Variants in NLGN4X observed in about 807,000 individuals in gnomAD.
NLGN4X encodes neuroligin 4 X-linked.
A neutral mutation model predicts 40.3 loss-of-function variants in NLGN4X; 3 were observed. The observed-to-expected ratio is 0.07, with a 90% CI of 0.03 to 0.19. NLGN4X has a LOEUF of 0.19. Among genes scored for constraint, NLGN4X ranks in the 10% least tolerant of loss-of-function variants. The pLI, the probability that NLGN4X is intolerant of heterozygous loss-of-function variation, is 1.00. For missense variants in NLGN4X, 382 were observed against 708.3 expected (o/e 0.54, Z 5.23); for synonymous variants, 270 against 306.8 (o/e 0.88, Z 1.25).
chrX:6,161,827 T>C (rs2040407443), intron 1 of NLGN4X, among the ~76,000 whole-genome samples: 1 of 110,752 alleles, frequency 9.0e-6, no homozygotes, highest in Non-Finnish European at 1.9e-5. Flanking sequence ...TTTGGATATA[T>C]ACATTTTTTG....
rs747621620 is a variant in NLGN4X at position 6,226,673 on chromosome X, G to A, written c.-306+1868C>T. ...GGCGAAAGAGCCAGGTCAGGTTGAG[G>A]GACAGGAGGAGGAAGGGGTGTCCAG... On this transcript the variant is annotated intron_variant, in intron 1 of 5. Transcript: ENST00000381095. 7 of 119,362 alleles carry A rather than the reference G, an allele frequency of 5.9e-5. No homozygotes were observed. The South Asian group carries it at 1.4e-3, about 24-fold the overall frequency. The allele number at this position is 119,362 out of a possible 1,213,427, so 9.8% of individuals were successfully genotyped here.
intron 3 of NLGN4X, among the ~76,000 whole-genome samples, chrX:6,021,643 T>C (rs1253739878): frequency 9.0e-6 from 1 of 111,141 alleles, no homozygotes; most frequent in Non-Finnish European, 1.9e-5. Context: ...ACAACAACCA[T>C]GGGATTACAG....
intron 2 of NLGN4X, among the ~76,000 whole-genome samples, chrX:6,055,504 G>C (rs1245251735): frequency 9.0e-6 from 1 of 111,046 alleles, no homozygotes; most frequent in Non-Finnish European, 1.9e-5. Flanking sequence ...CTGGTTGTGG[G>C]GGGGCTTACA....
At chrX:5,991,791 C>T (rs961864821) in intron 3 of NLGN4X, among the ~76,000 whole-genome samples, 3 of 112,219 alleles carry the variant, frequency 2.7e-5, no homozygotes, top group Non-Finnish European at 5.6e-5. Context: ...CATATCCAAT[C>T]TGAAGACAGA....
rs1370295832 is a variant in NLGN4X at position 5,890,391 on chromosome X, C to A, written c.*2426G>T. On this transcript the variant is annotated 3_prime_UTR_variant, in exon 6 of 6. Coordinates refer to ENST00000381095, the MANE Select transcript of NLGN4X (RefSeq NM_181332.3). ...ACTAAAATCACTTTTGATCATAATC[C>A]CCTGTAAAAGCTAAAGTTATTCACT... is the stretch of plus-strand genomic sequence containing the variant. 1 of 231,773 alleles carries A rather than the reference C, an allele frequency of 4.3e-6. No individual in the cohort carries two copies. Among genetic ancestry groups the A allele is most frequent in the Non-Finnish European group, 7.8e-6 (1 of 128,740 alleles). The allele number at this position is 231,773 out of a possible 1,213,427, so 19.1% of individuals were successfully genotyped here.
chrX:6,102,268 C>A (rs1055656085), intron 2 of NLGN4X, among the ~76,000 whole-genome samples: 1 of 111,081 alleles, frequency 9.0e-6, no homozygotes, highest in African/African-American at 3.3e-5. Flanking sequence ...AATATATATA[C>A]CTACCATGTA....
At chrX:5,940,474 T>C (rs1165319970) in intron 3 of NLGN4X, among the ~76,000 whole-genome samples, 1 of 110,726 alleles carries the variant, frequency 9.0e-6, no homozygotes, top group Admixed American at 9.7e-5. Context: ...AATCACCTAA[T>C]AGCTACTGTG....
intron 3 of NLGN4X, among the ~76,000 whole-genome samples, chrX:5,923,298 AC>A (rs1448364884): frequency 8.9e-6 from 1 of 111,747 alleles, no homozygotes; most frequent in Non-Finnish European, 1.9e-5. Context: ...GTGCCACTGC[AC>A]CCAGCTAATT....
intron 1 of NLGN4X, among the ~76,000 whole-genome samples, chrX:6,210,083 G>A (rs1448740013): frequency 9.0e-6 from 1 of 111,073 alleles, no homozygotes; most frequent in Non-Finnish European, 1.9e-5. Context: ...TGAACTCCTG[G>A]CCTCAAGCAA....
chrX:5,950,895 G>A (rs764140110), intron 3 of NLGN4X, among the ~76,000 whole-genome samples: 2 of 111,829 alleles, frequency 1.8e-5, no homozygotes, highest in Non-Finnish European at 3.8e-5. Context: ...GAAGTAGGAC[G>A]GAGAAGAAAC....
intron 1 of NLGN4X, among the ~76,000 whole-genome samples, chrX:6,217,853 C>CATTT (rs1379179564): frequency 9.0e-6 from 1 of 111,595 alleles, no homozygotes; most frequent in African/African-American, 3.3e-5. Flanking sequence ...GACCTTCCTA[C>CATTT]TGGGTTACAT....
intron 3 of NLGN4X, among the ~76,000 whole-genome samples, chrX:6,002,566 C>T (rs1283100184): frequency 8.9e-6 from 1 of 112,425 alleles, no homozygotes; most frequent in East Asian, 2.8e-4. Context: ...AACTTCCACA[C>T]AAACGTGCCT....
At chrX:6,055,339 AAATT>A (rs1214748576) in intron 2 of NLGN4X, among the ~76,000 whole-genome samples, 1 of 111,797 alleles carries the variant, frequency 8.9e-6, no homozygotes, top group Non-Finnish European at 1.9e-5. Flanking sequence ...TACAAAGTAA[AAATT>A]AAAAAATTAG....
chrX:6,054,646 C>T (rs1347465030), intron 2 of NLGN4X, among the ~76,000 whole-genome samples: 2 of 110,569 alleles, frequency 1.8e-5, no homozygotes, highest in African/African-American at 6.6e-5. Context: ...ATAAAATCAA[C>T]AGTCAAAGGG....
chrX:6,204,515 A>G (rs772089130), intron 1 of NLGN4X, among the ~76,000 whole-genome samples: 1 of 112,172 alleles, frequency 8.9e-6, no homozygotes, highest in East Asian at 2.8e-4. Flanking sequence ...AAAGCAAATG[A>G]TGAGACCCAG....
intron 1 of NLGN4X, among the ~76,000 whole-genome samples, chrX:6,169,991 G>A (rs1015953259): frequency 6.4e-5 from 7 of 110,170 alleles, no homozygotes; most frequent in Admixed American, 1.9e-4. Flanking sequence ...GTATCTTGGT[G>A]AAGAGAACAC....
intron 1 of NLGN4X, among the ~76,000 whole-genome samples, chrX:6,216,111 T>G (rs1331874961): frequency 9.0e-6 from 1 of 111,430 alleles, no homozygotes; most frequent in Non-Finnish European, 1.9e-5. Context: ...TCCACCCACC[T>G]CGTCCTCCCA....
At chrX:5,923,674 AG>A in intron 3 of NLGN4X, among the ~76,000 whole-genome samples, 1 of 111,732 alleles carries the variant, frequency 8.9e-6, no homozygotes, top group Non-Finnish European at 1.9e-5. Context: ...CAGCACAGGA[AG>A]GGCCTGCCCC....
intron 3 of NLGN4X, among the ~76,000 whole-genome samples, chrX:6,015,313 T>G (rs1021874326): frequency 8.9e-6 from 1 of 111,863 alleles, no homozygotes; most frequent in Admixed American, 9.5e-5. Flanking sequence ...AAACCACTAC[T>G]ACATCTTCCT....
Sources: gnomAD v4.1 joint callset for allele counts (sites outside exome capture counted in the v4.1 genomes callset) on GRCh38, gnomAD v4.1.1 for gene constraint, MANE v1.5 for transcripts, NCBI Gene and HGNC (gene_info 2026-07-23, HGNC 2026-07-21) for gene names.